The following ATL3 variants were observed in gnomAD, a reference collection of about 807,000 sequenced individuals.
ATL3 encodes atlastin-3.
A neutral mutation model predicts 69.5 loss-of-function variants in ATL3; 49 were observed. That is an observed-to-expected ratio of 0.71 (90% CI 0.56 to 0.89). ATL3 has a LOEUF of 0.89. Ranked by LOEUF, ATL3 falls within the 40% of genes least tolerant of loss-of-function variation. ATL3 has a pLI of 0.00. For missense variants in ATL3, 606 were observed against 645.7 expected (o/e 0.94, Z 0.67); for synonymous variants, 214 against 224.1 (o/e 0.95, Z 0.40).
At chr11:63,644,598 CCAG>C (rs1939808371) in intron 6 of ATL3, among the ~76,000 whole-genome samples, 1 of 151,870 alleles carries the variant, frequency 6.6e-6, no homozygotes, top group South Asian at 2.1e-4. Context: ...GCTCTGTTGC[CCAG>C]GCTGGTCTTG....
chr11:63,635,678 G>T, intron 9 of ATL3, 88 bp from the exon 10 acceptor site: 1 of 1,039,050 alleles, frequency 9.6e-7, no homozygotes, highest in Non-Finnish European at 1.4e-6. Context: ...CCATACAACT[G>T]CATTTTCCTA....
chr11:63,657,027 T>C (rs1009512958), intron 3 of ATL3, among the ~76,000 whole-genome samples: 3 of 151,528 alleles, frequency 2.0e-5, no homozygotes, highest in Non-Finnish European at 2.9e-5. Context: ...CTGGCCAACA[T>C]TGTGAAACCC....
At chr11:63,655,284 G>A (rs886509560) in intron 3 of ATL3, among the ~76,000 whole-genome samples, 6 of 152,116 alleles carry the variant, frequency 3.9e-5, no homozygotes, top group Admixed American at 2.0e-4. Context: ...CCAAGTAGCT[G>A]AGATTACAGG....
chr11:63,657,110 T>C (rs1212206749), intron 3 of ATL3, among the ~76,000 whole-genome samples: 1 of 149,854 alleles, frequency 6.7e-6, no homozygotes, highest in Non-Finnish European at 1.5e-5. Flanking sequence ...ATGAGGAGGC[T>C]GAGGCAGGAG....
At chr11:63,654,699 A>ATT (rs545924501) in intron 3 of ATL3, among the ~76,000 whole-genome samples, 34 of 132,578 alleles carry the variant, frequency 2.6e-4, no homozygotes, top group Admixed American at 7.0e-4. Context: ...TGTCTGGCCT[A>ATT]TTTTTTTTTT....
chr11:63,631,676 C>T (rs1401149112), intron 11 of ATL3, among the ~76,000 whole-genome samples: 2 of 152,144 alleles, frequency 1.3e-5, no homozygotes, highest in East Asian at 3.8e-4. Flanking sequence ...GTGATAATAT[C>T]AATTGGAAAG....
At chr11:63,669,515 A>G (rs1482299402) in intron 1 of ATL3, among the ~76,000 whole-genome samples, 4 of 151,672 alleles carry the variant, frequency 2.6e-5, no homozygotes, top group Non-Finnish European at 5.9e-5. Flanking sequence ...ACCCTGGGCG[A>G]GAGAGCAAGA....
chr11:63,635,205 A>G (rs1939474482), intron 10 of ATL3, among the ~76,000 whole-genome samples: 1 of 152,098 alleles, frequency 6.6e-6, no homozygotes, highest in Non-Finnish European at 1.5e-5. Context: ...AAAAAAATAA[A>G]CAACAGATGA....
At chr11:63,652,420 C>G (rs749342794) in intron 4 of ATL3, 51 bp downstream of exon 4, 2 of 1,158,066 alleles carry the variant, frequency 1.7e-6, no homozygotes, top group Non-Finnish European at 2.4e-6. Context: ...GTATTTCCTC[C>G]CTTTATCTTA....
chr11:63,647,009 C>T (rs1042178426), intron 5 of ATL3, among the ~76,000 whole-genome samples: 13 of 152,156 alleles, frequency 8.5e-5, no homozygotes, highest in African/African-American at 2.4e-4. Context: ...ACGGGGCACA[C>T]CGCTGCCTTA....
intron 1 of ATL3, among the ~76,000 whole-genome samples, chr11:63,667,969 T>C (rs1225342535): frequency 6.6e-6 from 1 of 152,004 alleles, no homozygotes; most frequent in Non-Finnish European, 1.5e-5. Context: ...CTCCAGTCAT[T>C]GCTAAATGCT....
chr11:63,668,468 CTAAT>C (rs1247184741), intron 1 of ATL3, among the ~76,000 whole-genome samples: 1 of 152,206 alleles, frequency 6.6e-6, no homozygotes, highest in Non-Finnish European at 1.5e-5. Flanking sequence ...CTATTTAAAT[CTAAT>C]TAACCAGAAT....
chr11:63,666,157 C>A (rs1940567238), intron 1 of ATL3, among the ~76,000 whole-genome samples: 3 of 152,076 alleles, frequency 2.0e-5, no homozygotes, highest in Admixed American at 6.6e-5. Context: ...ATTCTCCTGC[C>A]TCAGCCTCCT....
chr11:63,632,226 T>A, intron 11 of ATL3: 3 of 680,504 alleles, frequency 4.4e-6, no homozygotes, highest in South Asian at 1.5e-5. Flanking sequence ...AGAACTATGC[T>A]TCGTGGTGCT....
At position 63,629,004 on chromosome 11, in the gene ATL3, G is replaced by A. The variant is rs1939214349; in HGVS notation, c.*315C>T. On this transcript the variant is annotated 3_prime_UTR_variant, in exon 13 of 13. Transcript: ENST00000398868. ...TAAAAGGCACTAAGTGGCACATAAAGAACTTAAAAGCTGCATTTCCATTTT... is the reference window on the plus strand; with the variant it reads ...TAAAAGGCACTAAGTGGCACATAAAAAACTTAAAAGCTGCATTTCCATTTT... 3.3e-6 allele frequency: 1 copy of A among 302,852 alleles called. No homozygotes were observed. The highest frequency in any genetic ancestry group is 7.0e-5 in the South Asian group (1 of 14,348). 18.8% of individuals were successfully genotyped at this position (302,852 alleles called of 1,614,324 possible).
chr11:63,644,523 G>A (rs561575284), intron 6 of ATL3, among the ~76,000 whole-genome samples: 1 of 151,772 alleles, frequency 6.6e-6, no homozygotes, highest in South Asian at 2.1e-4. Flanking sequence ...CCAAGTAGCC[G>A]GGACTACAAG....
chr11:63,626,069 T>C lies in ATL3; in HGVS notation c.*3250A>G, dbSNP rs945646760. The C allele has an allele frequency of 6.6e-6, 1 of 151,876 alleles. No homozygotes were observed. Among genetic ancestry groups the C allele is most frequent in the Non-Finnish European group, 1.5e-5 (1 of 68,014 alleles). 9.4% of individuals were successfully genotyped at this position (151,876 alleles called of 1,614,324 possible). A position where few individuals can be genotyped will look rare whatever the true frequency, so the allele number is the denominator to read the frequency against. On this transcript the variant is annotated 3_prime_UTR_variant, in exon 13 of 13. Transcript: ENST00000398868. ...ACGTAAACTTCCATAGAACATTTCT[T>C]GGTATACTACGAAAATAAGGCATGA...
intron 3 of ATL3, among the ~76,000 whole-genome samples, chr11:63,653,674 T>C (rs779692701): frequency 3.3e-5 from 5 of 152,176 alleles, no homozygotes; most frequent in Admixed American, 6.6e-5. Context: ...AGAAATGAAC[T>C]ATCAAGACAC....
intron 8 of ATL3, among the ~76,000 whole-genome samples, chr11:63,639,937 T>C (rs1293168440): frequency 6.6e-6 from 1 of 152,144 alleles, no homozygotes; most frequent in East Asian, 1.9e-4. Flanking sequence ...ACCTTATCTT[T>C]TTTTTTTTGG....
Sources: gnomAD v4.1 joint callset for allele counts (sites outside exome capture counted in the v4.1 genomes callset) on GRCh38, gnomAD v4.1.1 for gene constraint, MANE v1.5 for transcripts, NCBI Gene and HGNC (gene_info 2026-07-23, HGNC 2026-07-21) for gene names.